The following COL27A1 variants were observed in gnomAD, a reference collection of about 807,000 sequenced individuals.
COL27A1 encodes collagen alpha-1(XXVII) chain.
A neutral mutation model predicts 251.3 loss-of-function variants in COL27A1; 106 were observed. The observed-to-expected ratio is 0.42, with a 90% CI of 0.36 to 0.50. The LOEUF (loss-of-function observed/expected upper bound fraction) is 0.50, where lower values mean the gene tolerates loss of function less well. COL27A1 is among the 20% of genes least tolerant of loss of function. The pLI is 0.00. For missense variants in COL27A1, 2,325 were observed against 2,522.8 expected (o/e 0.92, Z 1.68); for synonymous variants, 1,000 against 986.3 (o/e 1.01, Z -0.26).
At chr9:114,285,375 T>G (rs1299803367) in intron 41 of COL27A1, among the ~76,000 whole-genome samples, 3 of 151,898 alleles carry the variant, frequency 2.0e-5, no homozygotes, top group Non-Finnish European at 4.4e-5. Context: ...GGGCCAGGAG[T>G]GCCAGAAGGT....
At chr9:114,183,137 TGCTTCCCAGGGGTGCCTGGTGGGAGG>T in intron 5 of COL27A1, 62 bp downstream of exon 5, 1 of 1,497,968 alleles carries the variant, frequency 6.7e-7, no homozygotes, top group Non-Finnish European at 9.3e-7. Context: ...ATGTTTGCAG[TGCTTCCCAGGGGTGCCTGGTGGGAGG>T]GCTTCAGGGG....
rs1482932015 is a variant in COL27A1 at position 114,277,495 on chromosome 9, C to T, written c.3717+1727C>T. ...CCCCTGAAGTGTTTACATGACTAACCTAGGACAGATCCAAGTTAGCCTGCA... is the reference window on the plus strand; with the variant it reads ...CCCCTGAAGTGTTTACATGACTAACTTAGGACAGATCCAAGTTAGCCTGCA... On this transcript the variant is annotated intron_variant, in intron 37 of 60. Transcript: ENST00000356083. Among the ~76,000 whole-genome samples, 6 of 152,288 alleles carry T rather than the reference C, an allele frequency of 3.9e-5. No homozygotes were observed. In the East Asian group the frequency reaches 1.2e-3, roughly 29 times the overall value.
chr9:114,204,561 G>A (rs1308146714), intron 7 of COL27A1, among the ~76,000 whole-genome samples: 1 of 152,124 alleles, frequency 6.6e-6, no homozygotes, highest in Admixed American at 6.6e-5. Flanking sequence ...ATAGGAGCTG[G>A]GGCCGGTGGG....
rs574480781 is a variant in COL27A1, at chr9:114,240,963, A to G, written c.2835+476A>G. On this transcript the variant is annotated intron_variant, in intron 21 of 60. Transcript: ENST00000356083. ...GCCCAAAGCCCATGACATACGTCCT[A>G]TGCTGTCAACTCTGTGCTTCCTGGG... Among the ~76,000 whole-genome samples, 7 of 152,342 alleles carry G rather than the reference A, an allele frequency of 4.6e-5. No individual in the cohort carries two copies. In the East Asian group the frequency reaches 1.3e-3, roughly 29 times the overall value.
Position 114,275,779 on chromosome 9 carries a change from A to G in COL27A1, c.3717+11A>G, listed in dbSNP as rs1055887006. 3 of 1,524,006 alleles carry G rather than the reference A, an allele frequency of 2.0e-6. No homozygotes were observed. Among genetic ancestry groups the G allele is most frequent in the Non-Finnish European group, 2.7e-6 (3 of 1,127,714 alleles). 94.4% of individuals were successfully genotyped at this position (1,524,006 alleles called of 1,614,324 possible). On this transcript the variant is annotated intron_variant, in intron 37 of 60. Coordinates refer to ENST00000356083, the MANE Select transcript of COL27A1 (RefSeq NM_032888.4). ...GTCACTGGTGTCCGGGTGAGTGTGC[A>G]GGCCCCTTGCAGCGCCTGGAGCTCT...
intron 58 of COL27A1, chr9:114,307,065 A>ATTTTTTAATGATACGG: frequency 4.5e-6 from 1 of 221,278 alleles, no homozygotes; most frequent in South Asian, 6.7e-5. Flanking sequence ...GCGGAGCCAG[A>ATTTTTTAATGATACGG]CAGACCTGAG....
At chr9:114,193,795 G>A (rs548752167) in intron 5 of COL27A1, among the ~76,000 whole-genome samples, 3 of 152,102 alleles carry the variant, frequency 2.0e-5, no homozygotes, top group African/African-American at 7.2e-5. Flanking sequence ...GTATTGACAC[G>A]CCTCTTGGAC....
chr9:114,159,996 A>T (rs1848381074), intron 1 of COL27A1, among the ~76,000 whole-genome samples: 1 of 152,184 alleles, frequency 6.6e-6, no homozygotes. Context: ...GTCGTTGCCC[A>T]TGGTGAGCTG....
chr9:114,242,280 G>A (rs199882808), intron 22 of COL27A1, 49 bp downstream of exon 22: 74 of 1,536,110 alleles, frequency 4.8e-5, no homozygotes, highest in Non-Finnish European at 6.3e-5. Context: ...AGCTGAGCCA[G>A]CTGTGCACAG....
intron 5 of COL27A1, among the ~76,000 whole-genome samples, chr9:114,184,433 T>C (rs868753764): frequency 6.6e-6 from 1 of 152,200 alleles, no homozygotes; most frequent in Non-Finnish European, 1.5e-5. Flanking sequence ...CATATGGATC[T>C]GTGGTGTCAG....
chr9:114,204,709 A>G (rs1460532692), intron 7 of COL27A1, among the ~76,000 whole-genome samples: 1 of 152,138 alleles, frequency 6.6e-6, no homozygotes, highest in East Asian at 1.9e-4. Context: ...TCCAGACCTC[A>G]AGTCCTACTC....
intron 2 of COL27A1, among the ~76,000 whole-genome samples, chr9:114,165,987 A>C (rs1044527763): frequency 6.6e-6 from 1 of 150,594 alleles, no homozygotes; most frequent in Non-Finnish European, 1.5e-5. Flanking sequence ...TCATCTATTC[A>C]TCCATCCATT....
At chr9:114,171,529 T>A (rs994974914) in intron 3 of COL27A1, among the ~76,000 whole-genome samples, 1 of 152,094 alleles carries the variant, frequency 6.6e-6, no homozygotes, top group Non-Finnish European at 1.5e-5. Flanking sequence ...AGTGGTGTGA[T>A]CACAGCTCAC....
intron 7 of COL27A1, among the ~76,000 whole-genome samples, chr9:114,197,842 A>AGGCT (rs1344370879): frequency 1.3e-5 from 2 of 152,248 alleles, no homozygotes; most frequent in Non-Finnish European, 2.9e-5. Flanking sequence ...CGTCTGTGGC[A>AGGCT]GGCTGGCGTC....
intron 27 of COL27A1, among the ~76,000 whole-genome samples, chr9:114,254,348 C>T (rs1453147291): frequency 6.7e-6 from 1 of 149,846 alleles, no homozygotes; most frequent in East Asian, 2.0e-4. Context: ...AGAGCCCCTT[C>T]TCCTTCCCAG....
intron 28 of COL27A1, among the ~76,000 whole-genome samples, chr9:114,260,409 T>TG (rs1198214221): frequency 6.6e-6 from 1 of 151,978 alleles, no homozygotes; most frequent in Non-Finnish European, 1.5e-5. Flanking sequence ...TGACTGAAGG[T>TG]GGGGAACCTA....
chr9:114,166,906 C>T (rs1196360265), intron 2 of COL27A1, among the ~76,000 whole-genome samples: 1 of 152,200 alleles, frequency 6.6e-6, no homozygotes, highest in East Asian at 1.9e-4. Flanking sequence ...TTGATTGCTT[C>T]CTCTCCTCTC....
chr9:114,232,547 C>T (rs1380147749), intron 16 of COL27A1, among the ~76,000 whole-genome samples: 1 of 152,216 alleles, frequency 6.6e-6, no homozygotes, highest in Admixed American at 6.5e-5. Context: ...AAACCAGGAC[C>T]CCCGAAGGGG....
intron 24 of COL27A1, among the ~76,000 whole-genome samples, chr9:114,248,535 G>A (rs1365815891): frequency 3.9e-5 from 6 of 152,246 alleles, no homozygotes; most frequent in South Asian, 2.1e-4. Flanking sequence ...TCCCATGCCC[G>A]CCTTGCCAGC....
Sources: gnomAD v4.1 joint callset for allele counts (sites outside exome capture counted in the v4.1 genomes callset) on GRCh38, gnomAD v4.1.1 for gene constraint, MANE v1.5 for transcripts, NCBI Gene and HGNC (gene_info 2026-07-23, HGNC 2026-07-21) for gene names.